The following ITPRID1 variants were observed in gnomAD, a reference collection of about 807,000 sequenced individuals.
The protein encoded by ITPRID1 is protein ITPRID1.
A neutral mutation model predicts 95.4 loss-of-function variants in ITPRID1; 96 were observed. That is an observed-to-expected ratio of 1.01 (90% CI 0.85 to 1.19). The LOEUF is 1.19. Ranked by LOEUF, ITPRID1 falls within the 50% of genes most tolerant of loss-of-function variation. The probability of loss-of-function intolerance (pLI) is 0.00; values close to 1 mark genes in which losing one functional copy is unlikely to be tolerated. For missense variants in ITPRID1, 1,339 were observed against 1,252.9 expected (o/e 1.07, Z -1.04); for synonymous variants, 510 against 453.6 (o/e 1.12, Z -1.58).
At chr7:31,572,040 A>G (rs573511409) in intron 6 of ITPRID1, 62 bp from the exon 7 acceptor site, 31 of 1,062,570 alleles carry the variant, frequency 2.9e-5, no homozygotes, top group Admixed American at 2.5e-4. Context: ...AAGATTCACA[A>G]TGACCTCCCA....
At chr7:31,616,154 A>T (rs1217445601) in intron 10 of ITPRID1, among the ~76,000 whole-genome samples, 1 of 152,030 alleles carries the variant, frequency 6.6e-6, no homozygotes, top group Non-Finnish European at 1.5e-5. Context: ...AAATTATTGG[A>T]ATTCTTACAG....
Position 31,652,900 on chromosome 7 carries a change from T to C in ITPRID1, c.*71T>C, listed in dbSNP as rs1791092447. The C allele has an allele frequency of 7.7e-6, 12 of 1,550,734 alleles. No homozygotes were observed. The highest frequency in any genetic ancestry group is 9.6e-6 in the Non-Finnish European group (11 of 1,147,816). On this transcript the variant is annotated 3_prime_UTR_variant, in exon 15 of 15. Coordinates refer to ENST00000615280, the MANE Select transcript of ITPRID1 (RefSeq NM_001257967.3). ...AACAGATGTAGCAAGGAAATTTCAA[T>C]TTTCCCCAAGGAGAAGGGTCTGCCA...
At chr7:31,651,364 G>A (rs1790934610) in intron 13 of ITPRID1, 95 bp downstream of exon 13, 2 of 1,362,156 alleles carry the variant, frequency 1.5e-6, no homozygotes, top group Non-Finnish European at 1.9e-6. Flanking sequence ...CCCTGGAGCA[G>A]AGCTAATGAG....
intron 12 of ITPRID1, among the ~76,000 whole-genome samples, chr7:31,649,570 G>T (rs1790774949): frequency 6.6e-6 from 1 of 152,196 alleles, no homozygotes; most frequent in Non-Finnish European, 1.5e-5. Flanking sequence ...AGGAGAGAAA[G>T]ATTGTGAGTA....
chr7:31,624,300 G>C (rs1788223678), intron 10 of ITPRID1, among the ~76,000 whole-genome samples: 1 of 143,138 alleles, frequency 7.0e-6, no homozygotes, highest in African/African-American at 2.6e-5. Flanking sequence ...CCAAAAAAGA[G>C]CCCGCATCAC....
At chr7:31,636,852 A>G (rs1789531596) in intron 10 of ITPRID1, among the ~76,000 whole-genome samples, 1 of 149,336 alleles carries the variant, frequency 6.7e-6, no homozygotes, top group South Asian at 2.2e-4. Flanking sequence ...AGCATTAGAT[A>G]TATCTCCTAA....
At chr7:31,584,114 A>G (rs1785502629) in intron 10 of ITPRID1, among the ~76,000 whole-genome samples, 1 of 152,176 alleles carries the variant, frequency 6.6e-6, no homozygotes, top group South Asian at 2.1e-4. Context: ...ACTGTGATTC[A>G]GCATTTCCAT....
chr7:31,656,757 A>T (rs548718498), downstream of ITPRID1, among the ~76,000 whole-genome samples: 1 of 152,252 alleles, frequency 6.6e-6, no homozygotes, highest in East Asian at 1.9e-4. Context: ...TGGAGGAGAG[A>T]AAAGACCATT....
rs767147920 is a variant in ITPRID1, at chr7:31,652,565, G to A, written c.2871G>A (p.Leu957=). The part of the protein sequence containing the change: ...TAEPPEHYSN[L]HQYNWIEESN... Reference sequence around the variant, plus strand: ...AGCCACCTGAACACTATTCAAATCTGCATCAATATAACTGGATAGAAGAAA... The same window carrying A: ...AGCCACCTGAACACTATTCAAATCTACATCAATATAACTGGATAGAAGAAA... The change falls in exon 15 of 15, where the codon CTG becomes CTA. Residue 957 remains leucine, a synonymous_variant. Coordinates refer to ENST00000615280, the MANE Select transcript of ITPRID1 (RefSeq NM_001257967.3). The A allele has an allele frequency of 7.5e-6, 12 of 1,610,268 alleles. No homozygotes were observed. The highest frequency in any genetic ancestry group is 6.7e-5 in the East Asian group (3 of 44,672).
rs1341932004 is a variant in ITPRID1, at chr7:31,654,116, C to G, written c.*1287C>G. ...CAATCCTGAAAAGAGCCTCAGAAGA[C>G]AGTGTGATAATGTTGCAAAGGGAGA... On this transcript the variant is annotated 3_prime_UTR_variant, in exon 15 of 15. Coordinates refer to ENST00000615280, the MANE Select transcript of ITPRID1 (RefSeq NM_001257967.3). 6.7e-6 allele frequency among the ~76,000 whole-genome samples: 1 copy of G among 149,306 alleles called. No individual in the cohort carries two copies. The highest frequency in any genetic ancestry group is 1.5e-5 in the Non-Finnish European group (1 of 67,734).
In ITPRID1 at chr7:31,598,398, CTTT is replaced by C. The variant is rs869161999; in HGVS notation, c.1228+15228_1228+15230del. Among the ~76,000 whole-genome samples the C allele has an allele frequency of 7.5e-5, 8 of 106,826 alleles. 1 individual carries two copies. The highest frequency in any genetic ancestry group is 7.5e-5 in the Non-Finnish European group (4 of 53,398). 70.1% of individuals were successfully genotyped at this position (106,826 alleles called of 152,430 possible). On this transcript the variant is annotated intron_variant, in intron 10 of 14. Coordinates refer to ENST00000615280, the MANE Select transcript of ITPRID1 (RefSeq NM_001257967.3). ...AAATAGCGAATTTCTTTTTTTTTTTCTTTTTTTTTTTTTTTTTTTTTTTGAGAC... is the reference window on the plus strand; with the variant it reads ...AAATAGCGAATTTCTTTTTTTTTTTCTTTTTTTTTTTTTTTTTTTTGAGAC...
chr7:31,654,324 G>A lies in ITPRID1; in HGVS notation c.*1495G>A, dbSNP rs991010381. On this transcript the variant is annotated 3_prime_UTR_variant, in exon 15 of 15. Transcript: ENST00000615280. ...CCCAGATGTAGAGATAGCCAGTGCT[G>A]CTCAGTGCGGTGGGGCATGGAGATG... 2.6e-5 allele frequency among the ~76,000 whole-genome samples: 4 copies of A among 152,296 alleles called. No homozygotes were observed. Among genetic ancestry groups the A allele is most frequent in the Admixed American group, 6.5e-5 (1 of 15,294 alleles).
intron 1 of ITPRID1, among the ~76,000 whole-genome samples, chr7:31,522,722 G>T (rs893818379): frequency 1.3e-5 from 2 of 152,138 alleles, no homozygotes; most frequent in Admixed American, 1.3e-4. Flanking sequence ...TCCAGGGATG[G>T]CAAGCTGTGT....
Sources: allele counts gnomAD v4.1 joint callset (sites outside exome capture counted in the v4.1 genomes callset), GRCh38; gene constraint gnomAD v4.1.1; transcripts MANE v1.5; gene names NCBI Gene and HGNC (gene_info 2026-07-23, HGNC 2026-07-21).